Variants in CEP63 observed in about 807,000 individuals in gnomAD.
CEP63 encodes the protein centrosomal protein of 63 kDa.
CEP63 carries 84 observed loss-of-function variants against 89.1 expected under a neutral mutation model. The ratio of observed to expected loss-of-function variants is 0.94; its 90% CI spans 0.79 to 1.13. The LOEUF is 1.13. CEP63 is among the 50% of genes most tolerant of loss of function. CEP63 has a pLI of 0.00. For synonymous variants in CEP63, 267 were observed against 272.5 expected, an observed-to-expected ratio of 0.98 and a Z score of 0.20; for missense variants, 838 against 813.3, an observed-to-expected ratio of 1.03 and a Z score of -0.37.
the CEP63 span, among the ~76,000 whole-genome samples, chr3:134,661,814 C>CA: frequency 1.3e-5 from 2 of 151,318 alleles, no homozygotes; most frequent in African/African-American, 2.4e-5. Flanking sequence ...TGTGCCCCCC[C>CA]CCTCAAATTC....
the CEP63 span, among the ~76,000 whole-genome samples, chr3:134,696,182 G>T: frequency 4.5e-4 from 68 of 152,294 alleles, no homozygotes; most frequent in African/African-American, 1.6e-3. Flanking sequence ...GGTTCCAAGG[G>T]GAATATGTGA....
At chr3:134,547,128 TAAG>T (rs1312467620) in intron 8 of CEP63, among the ~76,000 whole-genome samples, 1 of 152,196 alleles carries the variant, frequency 6.6e-6, no homozygotes, top group Non-Finnish European at 1.5e-5. Context: ...AAATCCCAGT[TAAG>T]AAGGGAGTAA....
chr3:134,625,957 G>C, the CEP63 span, among the ~76,000 whole-genome samples: 148,522 of 152,372 alleles, frequency 0.97, 72,500 homozygotes, highest in East Asian at 1. Context: ...GGACATAGGA[G>C]AGCCATAATC....
the CEP63 span, among the ~76,000 whole-genome samples, chr3:134,715,083 G>A: frequency 6.6e-6 from 1 of 152,198 alleles, no homozygotes; most frequent in Non-Finnish European, 1.5e-5. Flanking sequence ...TTGTTGCTGG[G>A]CTTCCTTGTC....
At chr3:134,520,288 A>G (rs1037176593) in intron 3 of CEP63, among the ~76,000 whole-genome samples, 16 of 152,222 alleles carry the variant, frequency 1.1e-4, no homozygotes, top group Non-Finnish European at 1.6e-4. Flanking sequence ...GCAAAAAGCA[A>G]TTAAAAATGA....
chr3:134,628,495 A>T, the CEP63 span, among the ~76,000 whole-genome samples: 1 of 152,230 alleles, frequency 6.6e-6, no homozygotes, highest in Non-Finnish European at 1.5e-5. Context: ...CCTGAAGGCC[A>T]CTTTAGGCTA....
At chr3:134,674,383 C>A in the CEP63 span, among the ~76,000 whole-genome samples, 2 of 152,128 alleles carry the variant, frequency 1.3e-5, no homozygotes, top group African/African-American at 4.8e-5. Context: ...TTGACAAAAT[C>A]TAACATTATT....
the CEP63 span, among the ~76,000 whole-genome samples, chr3:134,702,809 A>C: frequency 6.6e-6 from 1 of 152,274 alleles, no homozygotes; most frequent in East Asian, 1.9e-4. Flanking sequence ...TCAAAAAGTC[A>C]AAAAACAATA....
chr3:134,733,756 G>C, the CEP63 span, among the ~76,000 whole-genome samples: 1 of 150,738 alleles, frequency 6.6e-6, no homozygotes, highest in African/African-American at 2.5e-5. Flanking sequence ...ACAGATTTCA[G>C]AGGGATCCTG....
chr3:134,527,665 G>T (rs1439910424), intron 3 of CEP63, among the ~76,000 whole-genome samples: 14 of 152,186 alleles, frequency 9.2e-5, no homozygotes, highest in Non-Finnish European at 1.8e-4. Flanking sequence ...GTACAGGCTG[G>T]TGCATAGCCA....
At chr3:134,636,866 A>G in the CEP63 span, among the ~76,000 whole-genome samples, 1 of 152,206 alleles carries the variant, frequency 6.6e-6, no homozygotes, top group Non-Finnish European at 1.5e-5. Context: ...GTCTTTGCCT[A>G]TACTTAGTTA....
In CEP63 at chr3:134,494,281, AT is replaced by A. The variant is rs577635507; in HGVS notation, c.-25-1001del. 9.3e-3 allele frequency among the ~76,000 whole-genome samples: 1,309 copies of A among 140,982 alleles called. 22 individuals carry two copies. The highest frequency in any genetic ancestry group is 0.076 in the South Asian group (338 of 4,474). 92.5% of individuals were successfully genotyped at this position (140,982 alleles called of 152,430 possible). On this transcript the variant is annotated intron_variant, in intron 1 of 14. Coordinates refer to ENST00000675561, the MANE Select transcript of CEP63 (RefSeq NM_001353108.3). ...AGGTGCATGCCACCATGCCCAGCTAATTTTTTTTTTTTTTGGTAGAGGCGGA... is the reference window on the plus strand; with the variant it reads ...AGGTGCATGCCACCATGCCCAGCTAATTTTTTTTTTTTTGGTAGAGGCGGA...
chr3:134,672,665 ATCTCTCCCT>A, the CEP63 span, among the ~76,000 whole-genome samples: 1 of 151,868 alleles, frequency 6.6e-6, no homozygotes, highest in Non-Finnish European at 1.5e-5. Flanking sequence ...TCTCTTCCCA[ATCTCTCCCT>A]TGCCTTCTCT....
chr3:134,613,262 A>G, the CEP63 span: 8 of 154,182 alleles, frequency 5.2e-5, no homozygotes, highest in Admixed American at 5.2e-4. Context: ...GGGGTAAATC[A>G]GAATGGGTAT....
the CEP63 span, among the ~76,000 whole-genome samples, chr3:134,642,810 G>C: frequency 6.6e-6 from 1 of 152,208 alleles, no homozygotes; most frequent in East Asian, 1.9e-4. Flanking sequence ...CTGAGGCCTT[G>C]CTGGGGCTCA....
chr3:134,587,892 GT>G (rs1958518800), downstream of CEP63, among the ~76,000 whole-genome samples: 1 of 151,146 alleles, frequency 6.6e-6, no homozygotes, highest in African/African-American at 2.4e-5. Context: ...GTAAACCTAA[GT>G]AAAGATGTAA....
the CEP63 span, among the ~76,000 whole-genome samples, chr3:134,750,538 A>G: frequency 1.1e-3 from 162 of 152,100 alleles, no homozygotes; most frequent in Non-Finnish European, 2.0e-3. Context: ...TGGGGTCAGG[A>G]CTCAGTGCTA....
At chr3:134,607,354 C>T in the CEP63 span, 3 of 985,518 alleles carry the variant, frequency 3.0e-6, no homozygotes, top group Non-Finnish European at 3.6e-6. Context: ...CTTGGGGACA[C>T]CTGTGCTCCC....
At chr3:134,574,231 G>A (rs1958133567) in intron 11 of CEP63, among the ~76,000 whole-genome samples, 1 of 152,190 alleles carries the variant, frequency 6.6e-6, no homozygotes, top group Non-Finnish European at 1.5e-5. Flanking sequence ...CCTTAGGACT[G>A]GGGTGAGAAG....
Sources: allele counts gnomAD v4.1 joint callset (sites outside exome capture counted in the v4.1 genomes callset), GRCh38; gene constraint gnomAD v4.1.1; transcripts MANE v1.5; gene names NCBI Gene and HGNC (gene_info 2026-07-23, HGNC 2026-07-21).